The following CDH18 variants were observed in gnomAD, a reference collection of about 807,000 sequenced individuals.
The protein encoded by CDH18 is cadherin-18.
Under a neutral mutation model 67.9 loss-of-function variants are expected in CDH18, and 31 were observed. That is an observed-to-expected ratio of 0.46 (90% confidence interval 0.34 to 0.62). The LOEUF is 0.62. Among genes scored for constraint, CDH18 ranks in the 20% least tolerant of loss-of-function variants. CDH18 has a pLI of 0.01. For synonymous variants in CDH18, 362 were observed against 347.2 expected (o/e 1.04, Z -0.48); for missense variants, 890 against 975.5 (o/e 0.91, Z 1.17).
At chr5:19,690,073 ATGTGTGTGTGTATATATATATATAC>A (rs1761651661) in intron 5 of CDH18, among the ~76,000 whole-genome samples, 1 of 142,122 alleles carries the variant, frequency 7.0e-6, no homozygotes, top group South Asian at 2.2e-4. Context: ...TATATTATAT[ATGTGTGTGTGTATATATATATATAC>A]ATATATATAA....
At chr5:20,343,886 C>T (rs1740481535) in intron 1 of CDH18, among the ~76,000 whole-genome samples, 1 of 152,112 alleles carries the variant, frequency 6.6e-6, no homozygotes, top group Admixed American at 6.5e-5. Flanking sequence ...TAATACATTG[C>T]AAAGTCCACC....
intron 11 of CDH18, among the ~76,000 whole-genome samples, chr5:19,490,635 A>C (rs144762123): frequency 0.034 from 5,088 of 151,852 alleles, 276 homozygotes; most frequent in African/African-American, 0.12. Context: ...GGATGATCTC[A>C]ATCTCTGGAC....
intron 1 of CDH18, among the ~76,000 whole-genome samples, chr5:20,560,062 C>T (rs933326326): frequency 1.3e-5 from 2 of 152,070 alleles, no homozygotes; most frequent in Non-Finnish European, 2.9e-5. Context: ...CTCCAGTGAA[C>T]CAAGCAACAA....
At chr5:19,836,818 T>G (rs1781699314) in intron 3 of CDH18, among the ~76,000 whole-genome samples, 1 of 152,192 alleles carries the variant, frequency 6.6e-6, no homozygotes, top group South Asian at 2.1e-4. Context: ...GATTTAAGTC[T>G]TTAATCCATC....
At chr5:20,345,362 G>A (rs1561990834) in intron 1 of CDH18, among the ~76,000 whole-genome samples, 1 of 152,102 alleles carries the variant, frequency 6.6e-6, no homozygotes, top group South Asian at 2.1e-4. Context: ...GAACACCCAA[G>A]GGATTATTTA....
At chr5:20,463,606 C>T (rs909922496) in intron 1 of CDH18, among the ~76,000 whole-genome samples, 1 of 152,114 alleles carries the variant, frequency 6.6e-6, no homozygotes, top group African/African-American at 2.4e-5. Flanking sequence ...ATGAGAACAG[C>T]ATGGGGGAAA....
chr5:19,640,524 C>A (rs557832608), intron 5 of CDH18, among the ~76,000 whole-genome samples: 33 of 151,898 alleles, frequency 2.2e-4, no homozygotes, highest in African/African-American at 6.3e-4. Context: ...CAAAGGAATA[C>A]GGCAAGACAA....
intron 1 of CDH18, among the ~76,000 whole-genome samples, chr5:20,292,240 T>C (rs1399777865): frequency 6.6e-6 from 1 of 152,218 alleles, no homozygotes; most frequent in Non-Finnish European, 1.5e-5. Context: ...TGAATGTGGG[T>C]AAATTGAGAG....
intron 5 of CDH18, among the ~76,000 whole-genome samples, chr5:19,691,143 A>C (rs1761816389): frequency 6.7e-6 from 1 of 148,582 alleles, no homozygotes; most frequent in Non-Finnish European, 1.5e-5. Flanking sequence ...CAATAAATAT[A>C]ATACATCACA....
Position 19,716,273 on chromosome 5 carries a change from C to T in CDH18, c.643+5074G>A, listed in dbSNP as rs574107341. Among the ~76,000 whole-genome samples the T allele has an allele frequency of 6.6e-5, 10 of 152,128 alleles. No individual in the cohort carries two copies. In the South Asian group the frequency reaches 1.7e-3, roughly 25 times the overall value. On this transcript the variant is annotated intron_variant, in intron 5 of 12. Coordinates refer to ENST00000382275, the MANE Select transcript of CDH18 (RefSeq NM_004934.5). ...ACAGAAGCAAAAAACTTAATTAATT[C>T]GATCAATTTATTAAGCAACTAAGTA... is the stretch of plus-strand genomic sequence containing the variant.
intron 1 of CDH18, among the ~76,000 whole-genome samples, chr5:20,434,909 G>T (rs1274896075): frequency 2.6e-5 from 4 of 151,994 alleles, no homozygotes; most frequent in African/African-American, 9.7e-5. Context: ...AGAAGCAGTT[G>T]GATCTTGCAG....
chr5:19,982,952 G>A (rs967640016), intron 1 of CDH18, among the ~76,000 whole-genome samples: 13 of 149,008 alleles, frequency 8.7e-5, no homozygotes, highest in Admixed American at 7.4e-4. Flanking sequence ...GCTGAGGCAG[G>A]AGAATCGCTT....
chr5:19,524,948 T>C (rs1019958883), intron 9 of CDH18, among the ~76,000 whole-genome samples: 27 of 152,142 alleles, frequency 1.8e-4, no homozygotes, highest in Admixed American at 3.9e-4. Context: ...GGTTTCACCA[T>C]GTTAGACAAG....
rs151200522 is a variant in CDH18 at position 20,527,359 on chromosome 5, C to T, written c.-580+48103G>A. The stretch of plus-strand genomic sequence containing the variant: ...CACTAGAGAATATCATCCAGGGGAA[C>T]TTCCCCAACCTGGCAAGACAAGCCA... On this transcript the variant is annotated intron_variant, in intron 1 of 14. Transcript: ENST00000507958. Among the ~76,000 whole-genome samples, 737 of 152,082 alleles carry T rather than the reference C, an allele frequency of 4.8e-3. 5 individuals carry two copies. The highest frequency in any genetic ancestry group is 0.018 in the South Asian group (86 of 4,820).
At chr5:20,092,257 C>T (rs746752460) in intron 2 of CDH18, among the ~76,000 whole-genome samples, 2 of 152,050 alleles carry the variant, frequency 1.3e-5, no homozygotes, top group Non-Finnish European at 2.9e-5. Context: ...CTTTTTACTA[C>T]AGTGGAAAAG....
At position 19,951,403 on chromosome 5, in the gene CDH18, A is replaced by G. The variant is rs541898616; in HGVS notation, c.-257+29657T>C. 1.1e-3 allele frequency among the ~76,000 whole-genome samples: 174 copies of G among 152,268 alleles called. 5 individuals are homozygous for G. In the South Asian group the frequency reaches 0.034, roughly 30 times the overall value. The stretch of plus-strand genomic sequence containing the variant: ...AAGCTTTAGTATTTGTATTTTCTCT[A>G]GTATTTTTTTCTCTAACAAATATGT... On this transcript the variant is annotated intron_variant, in intron 2 of 12. Coordinates refer to ENST00000382275, the MANE Select transcript of CDH18 (RefSeq NM_004934.5).
chr5:20,241,576 G>A (rs191153685), intron 2 of CDH18, among the ~76,000 whole-genome samples: 8 of 152,210 alleles, frequency 5.3e-5, no homozygotes, highest in Admixed American at 2.0e-4. Context: ...AATCGGCCGG[G>A]TGGGGTGGCT....
intron 2 of CDH18, among the ~76,000 whole-genome samples, chr5:20,008,775 G>T (rs543597732): frequency 6.6e-6 from 1 of 152,226 alleles, no homozygotes; most frequent in Non-Finnish European, 1.5e-5. Context: ...CAAACATTTA[G>T]AATTCTAATT....
intron 3 of CDH18, among the ~76,000 whole-genome samples, chr5:19,819,832 C>A (rs145692849): frequency 5.6e-4 from 86 of 152,252 alleles, no homozygotes; most frequent in African/African-American, 1.9e-3. Context: ...CCCACAGGAC[C>A]ATGGTGCATC....
Sources: allele counts gnomAD v4.1 joint callset (sites outside exome capture counted in the v4.1 genomes callset), GRCh38; gene constraint gnomAD v4.1.1; transcripts MANE v1.5; gene names NCBI Gene and HGNC (gene_info 2026-07-23, HGNC 2026-07-21).